SND1: variants seen among roughly 807,000 people sequenced by gnomAD.
SND1 encodes the protein staphylococcal nuclease and tudor domain containing 1, also known as staphylococcal nuclease domain-containing protein 1.
A neutral mutation model predicts 121.7 loss-of-function variants in SND1; 38 were observed. That is an observed-to-expected ratio of 0.31 (90% CI 0.24 to 0.41). The LOEUF (loss-of-function observed/expected upper bound fraction) is 0.41, where lower values mean the gene tolerates loss of function less well. Ranked by LOEUF, SND1 falls within the 10% of genes least tolerant of loss-of-function variation. SND1 has a pLI of 1.00. For missense variants in SND1, 868 were observed against 1,184.6 expected (o/e 0.73, Z 3.92); for synonymous variants, 401 against 447.4 (o/e 0.90, Z 1.31).
At chr7:127,696,911 T>C (rs898079308) in intron 3 of SND1, among the ~76,000 whole-genome samples, 2 of 152,224 alleles carry the variant, frequency 1.3e-5, no homozygotes, top group African/African-American at 4.8e-5. Context: ...TTATAATCTT[T>C]CCATTTTAAA....
At position 127,736,418 on chromosome 7, in the gene SND1, G is replaced by T. The variant is rs575335164; in HGVS notation, c.1152+15018G>T. 8.5e-5 allele frequency among the ~76,000 whole-genome samples: 13 copies of T among 152,280 alleles called. No homozygotes were observed. The South Asian group carries it at 2.7e-3, about 32-fold the overall frequency. ...CTGAAACATGATTTTTAATGGCTAT[G>T]CAGTTGTTAATGTGGACGTGTCATA... On this transcript the variant is annotated intron_variant, in intron 10 of 23. Transcript: ENST00000354725.
chr7:127,826,296 T>C (rs1429698829), intron 11 of SND1, among the ~76,000 whole-genome samples: 1 of 152,234 alleles, frequency 6.6e-6, no homozygotes, highest in Non-Finnish European at 1.5e-5. Context: ...ATTCCATGAG[T>C]ATATAATTTA....
chr7:127,848,243 A>T (rs1292450354), intron 12 of SND1, among the ~76,000 whole-genome samples: 1 of 152,256 alleles, frequency 6.6e-6, no homozygotes, highest in African/African-American at 2.4e-5. Context: ...TGCTTAACAC[A>T]TGCGAATGTT....
At chr7:128,005,242 T>C (rs1314691195) in intron 16 of SND1, among the ~76,000 whole-genome samples, 3 of 152,206 alleles carry the variant, frequency 2.0e-5, no homozygotes, top group Non-Finnish European at 4.4e-5. Context: ...TGCCAGCATG[T>C]GAGGTGCAGA....
intron 11 of SND1, among the ~76,000 whole-genome samples, chr7:127,828,428 C>A (rs1227203832): frequency 6.6e-6 from 1 of 152,000 alleles, no homozygotes; most frequent in Non-Finnish European, 1.5e-5. Context: ...TTTGACCACC[C>A]TCATTTAGAG....
At chr7:127,981,300 G>T (rs941313632) in intron 15 of SND1, among the ~76,000 whole-genome samples, 1 of 152,188 alleles carries the variant, frequency 6.6e-6, no homozygotes, top group African/African-American at 2.4e-5. Context: ...GAAAGGCACA[G>T]GTCTCTCCCA....
intron 16 of SND1, among the ~76,000 whole-genome samples, chr7:128,013,346 A>G (rs768756738): frequency 5.3e-5 from 8 of 152,164 alleles, no homozygotes; most frequent in Non-Finnish European, 8.8e-5. Flanking sequence ...TTTCATCTCC[A>G]TCGTTCCCCA....
At chr7:127,929,607 T>C (rs558135265) in intron 15 of SND1, among the ~76,000 whole-genome samples, 1 of 152,186 alleles carries the variant, frequency 6.6e-6, no homozygotes, top group East Asian at 1.9e-4. Context: ...GCAAAGGAAG[T>C]TCCAGACTAG....
At chr7:127,727,991 G>T (rs796112109) in intron 10 of SND1, among the ~76,000 whole-genome samples, 1 of 152,030 alleles carries the variant, frequency 6.6e-6, no homozygotes, top group South Asian at 2.1e-4. Context: ...ATGGAGTAGG[G>T]GTACAAGCCT....
chr7:127,891,560 A>G (rs753093905), intron 13 of SND1, among the ~76,000 whole-genome samples: 2 of 151,784 alleles, frequency 1.3e-5, no homozygotes, highest in Non-Finnish European at 2.9e-5. Context: ...TTTTTCCTAG[A>G]TAGATTAGCT....
chr7:127,804,225 T>A (rs1798190369), intron 10 of SND1, among the ~76,000 whole-genome samples: 2 of 152,170 alleles, frequency 1.3e-5, no homozygotes, highest in Non-Finnish European at 2.9e-5. Flanking sequence ...AATATCTCTC[T>A]TGTAAGATGT....
At chr7:127,862,841 A>C (rs1799404622) in intron 12 of SND1, among the ~76,000 whole-genome samples, 2 of 152,188 alleles carry the variant, frequency 1.3e-5, no homozygotes, top group Non-Finnish European at 2.9e-5. Context: ...TTCCCAGCAC[A>C]GTTGCATTTG....
intron 12 of SND1, among the ~76,000 whole-genome samples, chr7:127,881,814 C>T (rs1007374195): frequency 1.3e-5 from 2 of 152,276 alleles, no homozygotes; most frequent in African/African-American, 4.8e-5. Context: ...CACTCTGTCA[C>T]CCAGTCTGGA....
At chr7:127,788,084 A>G (rs1217078240) in intron 10 of SND1, among the ~76,000 whole-genome samples, 2 of 152,254 alleles carry the variant, frequency 1.3e-5, no homozygotes, top group African/African-American at 4.8e-5. Context: ...TCCAGGAATC[A>G]TAGGGAATTG....
rs751208213 is a variant in SND1 at position 127,887,986 on chromosome 7, C to T, written c.1428C>T (p.Tyr476=). The T allele has an allele frequency of 1.7e-5, 27 of 1,611,472 alleles. No individual in the cohort carries two copies. The highest frequency in any genetic ancestry group is 5.5e-5 in the South Asian group (5 of 91,020). ...RQDDDQRSSH[Y]DELLAAEARA... ...ATGATGACCAGAGATCATCACACTA[C>T]GATGAACTGCTTGCTGCAGAGGCCA... Residue 476 remains tyrosine, a synonymous_variant, in exon 13 of 24, where the codon TAC becomes TAT. Transcript: ENST00000354725.
chr7:127,978,020 C>T (rs1406520256), intron 15 of SND1, among the ~76,000 whole-genome samples: 1 of 152,062 alleles, frequency 6.6e-6, no homozygotes, highest in African/African-American at 2.4e-5. Context: ...CAAGGGGAGA[C>T]GTGGGCAGTT....
At chr7:127,714,436 GTTCATTAT>G in intron 9 of SND1, among the ~76,000 whole-genome samples, 1 of 152,132 alleles carries the variant, frequency 6.6e-6, no homozygotes, top group East Asian at 1.9e-4. Context: ...TCTAGATGGA[GTTCATTAT>G]CATGTCTCTG....
chr7:127,721,721 G>C (rs1356244278), intron 10 of SND1, among the ~76,000 whole-genome samples: 3 of 152,116 alleles, frequency 2.0e-5, no homozygotes, highest in Non-Finnish European at 4.4e-5. Context: ...ATTTTTCTGT[G>C]AATAAGGAGA....
chr7:127,910,564 T>G (rs189060976), intron 14 of SND1, among the ~76,000 whole-genome samples: 279 of 152,296 alleles, frequency 1.8e-3, no homozygotes, highest in African/African-American at 6.4e-3. Flanking sequence ...ATTGCAGTTT[T>G]TCTTATATGT....
Sources: allele counts gnomAD v4.1 joint callset (sites outside exome capture counted in the v4.1 genomes callset), GRCh38; gene constraint gnomAD v4.1.1; transcripts MANE v1.5; gene names NCBI Gene and HGNC (gene_info 2026-07-23, HGNC 2026-07-21).